Variants in SLC12A6 observed in about 807,000 individuals in gnomAD.
SLC12A6 encodes K-Cl cotransporter 3.
In SLC12A6, 66 loss-of-function variants were observed where a neutral mutation model predicts 135.3. That is an observed-to-expected ratio of 0.49 (90% CI 0.40 to 0.60). The LOEUF (loss-of-function observed/expected upper bound fraction) is 0.60. SLC12A6 is among the 20% of genes least tolerant of loss of function. SLC12A6 has a pLI of 0.00. For missense variants in SLC12A6, 1,058 were observed against 1,452.3 expected (o/e 0.73, Z 4.41); for synonymous variants, 513 against 508.8 (o/e 1.01, Z -0.11).
At position 34,271,602 on chromosome 15, in the gene SLC12A6, T is replaced by TACACACACACACACACACAC. The variant is rs10588100; in HGVS notation, c.316+3723_316+3742dup. On this transcript the variant is annotated intron_variant, in intron 3 of 25. Coordinates refer to ENST00000354181, the MANE Select transcript of SLC12A6 (RefSeq NM_001365088.1). ...CTAAAAATTTTTTTAAGTGCAAAGC[T>TACACACACACACACACACAC]ACACACACACACACACACACACACA... Among the ~76,000 whole-genome samples, 909 of 148,920 alleles carry TACACACACACACACACACAC rather than the reference T, an allele frequency of 6.1e-3. 6 individuals carry two copies. Among genetic ancestry groups the TACACACACACACACACACAC allele is most frequent in the Non-Finnish European group, 8.3e-3 (561 of 67,226 alleles).
chr15:34,254,358 G>A lies in SLC12A6; in HGVS notation c.1108C>T (p.Pro370Ser), dbSNP rs759842953. 5 of 1,613,544 alleles carry A rather than the reference G, an allele frequency of 3.1e-6. No individual in the cohort carries two copies. Among genetic ancestry groups the A allele is most frequent in the Non-Finnish European group, 4.2e-6 (5 of 1,179,536 alleles). Reference sequence around the variant, plus strand: ...GAGACAGACACGTACGGGAAGTGTGGAGGAGCAAAAGAAGACTTGATGGCT... The same window carrying A: ...GAGACAGACACGTACGGGAAGTGTGAAGGAGCAAAAGAAGACTTGATGGCT... ...AGAIKSSFAP[P>S]HFPVCMLGNR... The change falls in exon 9 of 26, where the codon CCA (proline) becomes TCA (serine). Residue 370 changes from proline (P) to serine (S), a missense_variant. Pro to Ser is a moderately conservative substitution (Grantham distance 74). Transcript: ENST00000354181.
chr15:34,238,946 T>C lies in SLC12A6; in HGVS notation c.2632+19A>G. 1 of 1,604,052 alleles carries C rather than the reference T, an allele frequency of 6.2e-7. No individual in the cohort carries two copies. The highest frequency in any genetic ancestry group is 8.5e-7 in the Non-Finnish European group (1 of 1,170,796). The stretch of plus-strand genomic sequence containing the variant: ...CCCTCGACTTGGGCCTTTAGGTTTG[T>C]ATGAGAAATGGTTAGTACCAATAAA... On this transcript the variant is annotated intron_variant, in intron 20 of 25. Transcript: ENST00000354181.
At chr15:34,261,742 G>A (rs922558123) in intron 3 of SLC12A6, among the ~76,000 whole-genome samples, 2 of 152,216 alleles carry the variant, frequency 1.3e-5, no homozygotes, top group Non-Finnish European at 2.9e-5. Flanking sequence ...TGCCTCCACA[G>A]CTGTCTGACC....
At chr15:34,283,179 C>T (rs562599244) in intron 2 of SLC12A6, among the ~76,000 whole-genome samples, 41 of 152,082 alleles carry the variant, frequency 2.7e-4, no homozygotes, top group African/African-American at 9.6e-4. Context: ...CCCATCTCAA[C>T]TAAAAATACA....
intron 2 of SLC12A6, among the ~76,000 whole-genome samples, chr15:34,322,181 G>A (rs1347754360): frequency 1.3e-5 from 2 of 151,972 alleles, no homozygotes; most frequent in East Asian, 1.9e-4. Flanking sequence ...AGGTCAGTTC[G>A]AGACCAGCCT....
intron 2 of SLC12A6, among the ~76,000 whole-genome samples, chr15:34,308,630 C>CAAAAAAAAAAA (rs536506096): frequency 6.3e-5 from 4 of 63,326 alleles, no homozygotes; most frequent in African/African-American, 1.5e-4. Flanking sequence ...GTCCACCTGA[C>CAAAAAAAAAAA]AAAAAAAAAA....
chr15:34,244,035 A>G lies in SLC12A6; in HGVS notation c.1981T>C (p.Cys661Arg), dbSNP rs758535563. ...LMCYLFVNLA[C>R]ALQTLLRTPN... ...GTTCGAAGTAATGTTTGCAAGGCAC[A>G]TGCCAAGTTTACAAAGAGGTAACAC... Residue 661 changes from cysteine (C) to arginine (R), a missense_variant, in exon 16 of 26, where the codon TGT (cysteine) becomes CGT (arginine). Around this residue, in one of 6 missense-constraint regions of SLC12A6, gnomAD observed 170 missense variants for 297.6 expected, o/e 0.57. Coordinates refer to ENST00000354181, the MANE Select transcript of SLC12A6 (RefSeq NM_001365088.1). 6 of 1,608,722 alleles carry G rather than the reference A, an allele frequency of 3.7e-6. No homozygotes were observed. Among genetic ancestry groups the G allele is most frequent in the Non-Finnish European group, 5.1e-6 (6 of 1,174,998 alleles).
At chr15:34,274,089 C>T (rs1403400604) in intron 3 of SLC12A6, among the ~76,000 whole-genome samples, 1 of 152,116 alleles carries the variant, frequency 6.6e-6, no homozygotes, top group African/African-American at 2.4e-5. Flanking sequence ...CAACTTACAA[C>T]AGTAACACAC....
intron 23 of SLC12A6, 28 bp downstream of exon 23, chr15:34,236,680 G>A (rs371318301): frequency 4.9e-6 from 6 of 1,236,432 alleles, no homozygotes; most frequent in African/African-American, 2.9e-5. Context: ...TAGAGAGCAC[G>A]GATTGGATTG....
intron 2 of SLC12A6, among the ~76,000 whole-genome samples, chr15:34,298,876 C>T (rs1454939898): frequency 6.6e-6 from 1 of 152,150 alleles, no homozygotes; most frequent in Non-Finnish European, 1.5e-5. Flanking sequence ...GACCAATTGC[C>T]ACCAATTCTC....
chr15:34,288,961 T>C (rs968524887), intron 2 of SLC12A6, among the ~76,000 whole-genome samples: 3 of 152,196 alleles, frequency 2.0e-5, no homozygotes, highest in Non-Finnish European at 4.4e-5. Context: ...CTCTTCCTAT[T>C]TGAATATCCC....
chr15:34,260,035 T>C (rs1202051316), intron 4 of SLC12A6, among the ~76,000 whole-genome samples: 1 of 152,158 alleles, frequency 6.6e-6, no homozygotes, highest in Non-Finnish European at 1.5e-5. Context: ...GCAACTATAG[T>C]TAACATATTG....
chr15:34,336,735 T>TA lies in SLC12A6; in HGVS notation c.-56dup. The TA allele has an allele frequency of 3.5e-6, 5 of 1,425,324 alleles. No individual in the cohort carries two copies. The highest frequency in any genetic ancestry group is 4.0e-6 in the Non-Finnish European group (4 of 1,008,198). The allele number at this position is 1,425,324 out of a possible 1,614,324, so 88.3% of individuals were successfully genotyped here. ...GGGGAACCTCGCAAAATCTTCCTCT[T>TA]ACGCTAGCTACTTTTGACTGCAATA... On this transcript the variant is annotated 5_prime_UTR_variant, in exon 2 of 26. Transcript: ENST00000354181.
intron 2 of SLC12A6, among the ~76,000 whole-genome samples, chr15:34,296,762 G>C (rs1480691964): frequency 6.6e-6 from 1 of 152,158 alleles, no homozygotes; most frequent in East Asian, 1.9e-4. Context: ...GCAGAACACA[G>C]AGAAGGTAAA....
At chr15:34,318,480 G>T in intron 2 of SLC12A6, 1 of 1,076,788 alleles carries the variant, frequency 9.3e-7, no homozygotes, top group Non-Finnish European at 1.4e-6. Flanking sequence ...CCTAAAGAAG[G>T]CATTTTGAAT....
chr15:34,314,400 G>C (rs532970266), intron 2 of SLC12A6, among the ~76,000 whole-genome samples: 2 of 152,186 alleles, frequency 1.3e-5, no homozygotes, highest in African/African-American at 2.4e-5. Flanking sequence ...AGGAAAAAAA[G>C]ATTTCTTTCA....
At chr15:34,270,322 C>G (rs1893829025) in intron 3 of SLC12A6, among the ~76,000 whole-genome samples, 1 of 148,792 alleles carries the variant, frequency 6.7e-6, no homozygotes, top group African/African-American at 2.6e-5. Context: ...AACCCCTGGC[C>G]TCAAGTAATC....
chr15:34,310,629 A>AGT lies in SLC12A6; in HGVS notation c.271+25779_271+25780dup, dbSNP rs61718499. ...GGCTGGTGTTGAACTCCTGGGCTCA[A>AGT]GTGTGTGTGTGTGTGTGTGTGTGTG... On this transcript the variant is annotated intron_variant, in intron 2 of 25. Transcript: ENST00000354181. Among the ~76,000 whole-genome samples the AGT allele has an allele frequency of 6.9e-3, 42 of 6,052 alleles. 7 individuals carry two copies. Among genetic ancestry groups the AGT allele is most frequent in the Admixed American group, 0.01 (5 of 480 alleles). 4.0% of individuals were successfully genotyped at this position (6,052 alleles called of 152,430 possible).
intron 2 of SLC12A6, among the ~76,000 whole-genome samples, chr15:34,287,266 AATG>A (rs1187791018): frequency 6.6e-6 from 1 of 152,122 alleles, no homozygotes; most frequent in Non-Finnish European, 1.5e-5. Flanking sequence ...GTTTGCTGAG[AATG>A]ATGTTTCCAG....
Sources: gnomAD v4.1 joint callset for allele counts (sites outside exome capture counted in the v4.1 genomes callset) on GRCh38, gnomAD v4.1.1 for gene constraint, gnomAD v4.1.1 regional missense constraint, MANE v1.5 for transcripts, NCBI Gene and HGNC (gene_info 2026-07-23, HGNC 2026-07-21) for gene names.